ARL15: variants seen among roughly 807,000 people sequenced by gnomAD.
The protein encoded by ARL15 is ADP-ribosylation factor-like protein 15.
In ARL15, 19 loss-of-function variants were observed where a neutral mutation model predicts 25.2. That is an observed-to-expected ratio of 0.75 (90% CI 0.53 to 1.10). ARL15 has a LOEUF of 1.10. ARL15 is among the 50% of genes least tolerant of loss of function. The probability of loss-of-function intolerance (pLI) is 0.00; values close to 1 mark genes in which losing one functional copy is unlikely to be tolerated. For missense variants in ARL15, 220 were observed against 246.0 expected, an observed-to-expected ratio of 0.89 and a Z score of 0.71; for synonymous variants, 94 against 86.8, an observed-to-expected ratio of 1.08 and a Z score of -0.46.
intron 4 of ARL15, among the ~76,000 whole-genome samples, chr5:54,026,625 T>C (rs944466046): frequency 1.3e-5 from 2 of 152,190 alleles, no homozygotes; most frequent in Non-Finnish European, 2.9e-5. Context: ...AAGGGAAATT[T>C]TCTTGAGATT....
chr5:54,164,672 AC>A (rs1430633193), intron 2 of ARL15, among the ~76,000 whole-genome samples: 2 of 151,918 alleles, frequency 1.3e-5, no homozygotes, highest in African/African-American at 4.8e-5. Context: ...TAACATAGCT[AC>A]CCCAACTTTC....
At chr5:54,156,360 T>TA in intron 2 of ARL15, among the ~76,000 whole-genome samples, 1 of 152,350 alleles carries the variant, frequency 6.6e-6, no homozygotes, top group Middle Eastern at 3.4e-3. Context: ...ACAGGGATGA[T>TA]AATATCTACT....
intron 4 of ARL15, among the ~76,000 whole-genome samples, chr5:54,019,463 G>A (rs1019198430): frequency 6.6e-6 from 1 of 152,086 alleles, no homozygotes; most frequent in Non-Finnish European, 1.5e-5. Flanking sequence ...AAACTACAGA[G>A]GGCTATACCT....
intron 4 of ARL15, among the ~76,000 whole-genome samples, chr5:53,951,120 T>C (rs1746936281): frequency 1.3e-5 from 2 of 152,252 alleles, no homozygotes; most frequent in Admixed American, 6.5e-5. Context: ...TCAATGTCCA[T>C]AAAGTTTCAC....
chr5:53,922,462 T>G (rs534504278), intron 4 of ARL15, among the ~76,000 whole-genome samples: 1 of 152,336 alleles, frequency 6.6e-6, no homozygotes, highest in African/African-American at 2.4e-5. Context: ...CCCCTAACTT[T>G]CTGTGTAGAT....
At chr5:54,078,468 C>T (rs1323652858) in intron 4 of ARL15, among the ~76,000 whole-genome samples, 3 of 152,148 alleles carry the variant, frequency 2.0e-5, no homozygotes, top group Non-Finnish European at 2.9e-5. Flanking sequence ...GTAACTCCTT[C>T]GGGGTAAATT....
chr5:54,256,388 T>C (rs1384703092), intron 1 of ARL15, among the ~76,000 whole-genome samples: 1 of 74,890 alleles, frequency 1.3e-5, no homozygotes, highest in Non-Finnish European at 2.7e-5. Flanking sequence ...AACAGAAGAA[T>C]ACACACAGCA....
intron 4 of ARL15, among the ~76,000 whole-genome samples, chr5:53,931,671 G>T (rs994072956): frequency 2.0e-5 from 3 of 152,048 alleles, no homozygotes; most frequent in Non-Finnish European, 4.4e-5. Context: ...AAAAAATTAT[G>T]TACCTTTTCC....
intron 1 of ARL15, among the ~76,000 whole-genome samples, chr5:54,270,375 A>G (rs970499440): frequency 4.6e-5 from 7 of 152,182 alleles, no homozygotes; most frequent in African/African-American, 1.4e-4. Context: ...CTGAAAATAG[A>G]GTAGTCGTGA....
intron 4 of ARL15, among the ~76,000 whole-genome samples, chr5:54,100,373 A>C (rs1419647599): frequency 6.6e-6 from 1 of 152,118 alleles, no homozygotes; most frequent in East Asian, 1.9e-4. Context: ...TGTTTCATTA[A>C]AGAAAAGATC....
At chr5:54,261,455 G>A (rs1757494902) in intron 1 of ARL15, among the ~76,000 whole-genome samples, 1 of 151,784 alleles carries the variant, frequency 6.6e-6, no homozygotes, top group South Asian at 2.1e-4. Context: ...CTGATTCTAG[G>A]GCCAACCACT....
At chr5:53,887,871 T>A (rs1287030496) in intron 4 of ARL15, among the ~76,000 whole-genome samples, 1 of 152,224 alleles carries the variant, frequency 6.6e-6, no homozygotes, top group African/African-American at 2.4e-5. Context: ...CAGTGCAGAC[T>A]ACTGTTTGTT....
intron 4 of ARL15, among the ~76,000 whole-genome samples, chr5:53,903,447 G>A (rs1227039210): frequency 6.6e-6 from 1 of 152,156 alleles, no homozygotes; most frequent in African/African-American, 2.4e-5. Flanking sequence ...AGAGGCCAGG[G>A]AGATGTGGCT....
chr5:54,296,701 C>T (rs1195213123), intron 1 of ARL15, among the ~76,000 whole-genome samples: 3 of 152,248 alleles, frequency 2.0e-5, no homozygotes, highest in Non-Finnish European at 4.4e-5. Context: ...CTGGGCAAGC[C>T]AAGCAGGGGC....
At chr5:54,250,535 G>A (rs1049130468) in intron 1 of ARL15, among the ~76,000 whole-genome samples, 2 of 152,218 alleles carry the variant, frequency 1.3e-5, no homozygotes, top group African/African-American at 4.8e-5. Context: ...GAAGTGGGAA[G>A]AACAAGGTTC....
chr5:53,976,542 T>A (rs1034628909), intron 4 of ARL15, among the ~76,000 whole-genome samples: 9 of 152,038 alleles, frequency 5.9e-5, no homozygotes, highest in African/African-American at 9.7e-5. Context: ...CAGAAAAAAA[T>A]AACTTGGGCA....
chr5:54,084,692 G>A (rs1751908717), intron 4 of ARL15, among the ~76,000 whole-genome samples: 1 of 152,138 alleles, frequency 6.6e-6, no homozygotes, highest in Admixed American at 6.5e-5. Flanking sequence ...GAGGGGTAGG[G>A]TTGGGTATTC....
chr5:54,236,173 A>G (rs1161883884), intron 1 of ARL15, among the ~76,000 whole-genome samples: 1 of 152,036 alleles, frequency 6.6e-6, no homozygotes, highest in Non-Finnish European at 1.5e-5. Flanking sequence ...AGAGATAGCT[A>G]CTCCTTCCAA....
intron 4 of ARL15, among the ~76,000 whole-genome samples, chr5:54,056,291 T>TA (rs200741868): frequency 0.021 from 3,263 of 152,104 alleles, 92 homozygotes; most frequent in African/African-American, 0.058. Flanking sequence ...TGACCAATAA[T>TA]AAAAGCCACT....
Sources: gnomAD v4.1 joint callset for allele counts (sites outside exome capture counted in the v4.1 genomes callset) on GRCh38, gnomAD v4.1.1 for gene constraint, MANE v1.5 for transcripts, NCBI Gene and HGNC (gene_info 2026-07-23, HGNC 2026-07-21) for gene names.